Variants in PRKAG2 observed in about 807,000 individuals in gnomAD.
The protein encoded by PRKAG2 is protein kinase AMP-activated non-catalytic subunit gamma 2, also known as 5'-AMP-activated protein kinase subunit gamma-2.
In PRKAG2, 26 loss-of-function variants were observed where a neutral mutation model predicts 69.6. That is an observed-to-expected ratio of 0.37 (90% CI 0.27 to 0.52). PRKAG2 has a LOEUF of 0.52. PRKAG2 is among the 20% of genes least tolerant of loss of function. The pLI, the probability that PRKAG2 is intolerant of heterozygous loss-of-function variation, is 0.90. For synonymous variants in PRKAG2, 293 were observed against 285.0 expected, an observed-to-expected ratio of 1.03 and a Z score of -0.28; for missense variants, 557 against 740.0, an observed-to-expected ratio of 0.75 and a Z score of 2.87.
At chr7:151,865,795 G>A (rs148562159) in intron 1 of PRKAG2, among the ~76,000 whole-genome samples, 2,716 of 152,236 alleles carry the variant, frequency 0.018, 92 homozygotes, top group African/African-American at 0.059. Flanking sequence ...CAAGGCGGGC[G>A]GATCATGAGG....
At chr7:151,750,093 T>C (rs1368910375) in intron 3 of PRKAG2, among the ~76,000 whole-genome samples, 6 of 104,448 alleles carry the variant, frequency 5.7e-5, no homozygotes, top group Non-Finnish European at 1.1e-4. Context: ...CAAGACTCCA[T>C]CTCAAAAAAA....
At chr7:151,586,396 C>T (rs1457702417) in intron 6 of PRKAG2, among the ~76,000 whole-genome samples, 3 of 152,162 alleles carry the variant, frequency 2.0e-5, no homozygotes, top group African/African-American at 7.2e-5. Context: ...GGGATTGATA[C>T]TACATTCCCC....
intron 3 of PRKAG2, among the ~76,000 whole-genome samples, chr7:151,702,756 G>T (rs560194339): frequency 1.3e-5 from 2 of 152,316 alleles, no homozygotes; most frequent in Admixed American, 6.5e-5. Context: ...GTGAAGGCCT[G>T]GGGGGCACAG....
In PRKAG2 at chr7:151,800,306, T is replaced by C. The variant is rs555350753; in HGVS notation, c.115-13765A>G. Among the ~76,000 whole-genome samples, 218 of 145,410 alleles carry C rather than the reference T, an allele frequency of 1.5e-3. 1 individual carries two copies. The highest frequency in any genetic ancestry group is 3.6e-3 in the Admixed American group (51 of 14,048). On this transcript the variant is annotated intron_variant, in intron 1 of 15. Transcript: ENST00000287878. ...CCGGGAGGCGGAGCTTGCAGTGAGC[T>C]GAGATCACGCCACTGCACTCCAGCC...
chr7:151,819,550 A>C (rs2078720653), intron 1 of PRKAG2, among the ~76,000 whole-genome samples: 1 of 152,196 alleles, frequency 6.6e-6, no homozygotes, highest in African/African-American at 2.4e-5. Context: ...GGGTACCTCC[A>C]TCCAGGTAGA....
intron 3 of PRKAG2, among the ~76,000 whole-genome samples, chr7:151,718,668 T>G (rs1796570564): frequency 6.8e-6 from 1 of 147,718 alleles, no homozygotes; most frequent in Non-Finnish European, 1.5e-5. Flanking sequence ...AGGTTTTTTT[T>G]GCATCCTGGG....
chr7:151,872,019 G>C (rs569371064), intron 1 of PRKAG2, among the ~76,000 whole-genome samples: 2 of 152,330 alleles, frequency 1.3e-5, no homozygotes, highest in South Asian at 4.1e-4. Context: ...GGCAGTGGCA[G>C]TCCCTGCACA....
At chr7:151,815,624 G>A (rs1177057941) in intron 1 of PRKAG2, among the ~76,000 whole-genome samples, 1 of 152,202 alleles carries the variant, frequency 6.6e-6, no homozygotes, top group Non-Finnish European at 1.5e-5. Flanking sequence ...TGGCAGTGGT[G>A]TGCCTAGCCT....
intron 5 of PRKAG2, among the ~76,000 whole-genome samples, chr7:151,597,670 A>G (rs1814888188): frequency 6.6e-6 from 1 of 152,220 alleles, no homozygotes; most frequent in South Asian, 2.1e-4. Context: ...GCCAACAGGT[A>G]TATGAAAAAA....
chr7:151,849,202 G>T (rs2079512185), intron 1 of PRKAG2, among the ~76,000 whole-genome samples: 1 of 152,270 alleles, frequency 6.6e-6, no homozygotes, highest in Non-Finnish European at 1.5e-5. Flanking sequence ...CAGGCCCTGA[G>T]ACACAGGCTG....
At chr7:151,644,757 C>A (rs1367112037) in intron 4 of PRKAG2, among the ~76,000 whole-genome samples, 1 of 152,182 alleles carries the variant, frequency 6.6e-6, no homozygotes, top group African/African-American at 2.4e-5. Flanking sequence ...AGAAACCACC[C>A]ATTTCACAGA....
chr7:151,841,208 G>A (rs771135455), intron 1 of PRKAG2, among the ~76,000 whole-genome samples: 15 of 152,000 alleles, frequency 9.9e-5, no homozygotes, highest in African/African-American at 1.4e-4. Context: ...GGCTGGTCTC[G>A]GACTGCTGGG....
At chr7:151,751,910 A>G (rs2074720738) in intron 3 of PRKAG2, among the ~76,000 whole-genome samples, 1 of 152,160 alleles carries the variant, frequency 6.6e-6, no homozygotes, top group Non-Finnish European at 1.5e-5. Flanking sequence ...GCACACGTAA[A>G]CACTATTTGC....
chr7:151,854,568 C>T (rs948925968), intron 1 of PRKAG2, among the ~76,000 whole-genome samples: 8 of 152,228 alleles, frequency 5.3e-5, no homozygotes, highest in Admixed American at 3.3e-4. Context: ...GGAATCCAGC[C>T]GCCAAACTCG....
In PRKAG2 at chr7:151,765,391, C is replaced by A. The variant is rs571545763; in HGVS notation, c.466+15761G>T. Among the ~76,000 whole-genome samples the A allele has an allele frequency of 4.6e-5, 7 of 152,340 alleles. No individual in the cohort carries two copies. The East Asian group carries it at 1.4e-3, about 29-fold the overall frequency. On this transcript the variant is annotated intron_variant, in intron 3 of 15. Coordinates refer to ENST00000287878, the MANE Select transcript of PRKAG2 (RefSeq NM_016203.4). ...CAATGGGAAGTCTGCCCCTACGATT[C>A]AATCACCTCCCACCAGGCCCCTCCT...
At chr7:151,851,769 C>T (rs2079573894) in intron 1 of PRKAG2, among the ~76,000 whole-genome samples, 1 of 152,270 alleles carries the variant, frequency 6.6e-6, no homozygotes, top group African/African-American at 2.4e-5. Flanking sequence ...CATGGGTCCC[C>T]CTCCACAGCT....
chr7:151,820,881 A>G (rs2078753030), intron 1 of PRKAG2, among the ~76,000 whole-genome samples: 1 of 151,720 alleles, frequency 6.6e-6, no homozygotes, highest in African/African-American at 2.4e-5. Flanking sequence ...AGCAGCTCTC[A>G]GTGGCCCATC....
At position 151,595,589 on chromosome 7, in the gene PRKAG2, G is replaced by A; in HGVS notation, c.755-135C>T. The stretch of plus-strand genomic sequence containing the variant: ...GTTTTCCCAGTATGATCAAGGGCCA[G>A]GCAAGGATGCTCACTCTCACTAATT... On this transcript the variant is annotated intron_variant, in intron 5 of 15. Coordinates refer to ENST00000287878, the MANE Select transcript of PRKAG2 (RefSeq NM_016203.4). 1.4e-5 allele frequency: 10 copies of A among 703,812 alleles called. No individual in the cohort carries two copies. The South Asian group carries it at 1.5e-4, about 11-fold the overall frequency. 43.6% of individuals were successfully genotyped at this position (703,812 alleles called of 1,614,324 possible). A position where few individuals can be genotyped will look rare whatever the true frequency, so the allele number is the denominator to read the frequency against.
chr7:151,844,831 G>A (rs1194345085), intron 1 of PRKAG2, among the ~76,000 whole-genome samples: 1 of 152,208 alleles, frequency 6.6e-6, no homozygotes, highest in Non-Finnish European at 1.5e-5. Flanking sequence ...TTTACTGGAT[G>A]AATAAATCGG....
Sources: gnomAD v4.1 joint callset for allele counts (sites outside exome capture counted in the v4.1 genomes callset) on GRCh38, gnomAD v4.1.1 for gene constraint, MANE v1.5 for transcripts, NCBI Gene and HGNC (gene_info 2026-07-23, HGNC 2026-07-21) for gene names.